The following TTC28 variants were observed in gnomAD, a reference collection of about 807,000 sequenced individuals.
TTC28 encodes the protein tetratricopeptide repeat protein 28.
A neutral mutation model predicts 198.0 loss-of-function variants in TTC28; 61 were observed. The observed-to-expected ratio is 0.31, with a 90% CI of 0.25 to 0.38. The LOEUF (loss-of-function observed/expected upper bound fraction) is 0.38, where lower values mean the gene tolerates loss of function less well. Among genes scored for constraint, TTC28 ranks in the 10% least tolerant of loss-of-function variants. TTC28 has a pLI of 1.00. For missense variants in TTC28, 2,678 were observed against 3,164.0 expected, an observed-to-expected ratio of 0.85 and a Z score of 3.69; for synonymous variants, 1,171 against 1,297.8, an observed-to-expected ratio of 0.90 and a Z score of 2.10.
chr22:28,038,845 A>G (rs888319618), intron 12 of TTC28, among the ~76,000 whole-genome samples: 1 of 152,238 alleles, frequency 6.6e-6, no homozygotes, highest in African/African-American at 2.4e-5. Context: ...CAACCCCATC[A>G]AAAAGTGGGC....
At chr22:28,288,881 C>A (rs2044737116) in intron 5 of TTC28, among the ~76,000 whole-genome samples, 1 of 151,884 alleles carries the variant, frequency 6.6e-6, no homozygotes, top group Admixed American at 6.6e-5. Flanking sequence ...AAATTCAAGC[C>A]CAAGCTTGTT....
In TTC28 at chr22:27,983,850, A is replaced by C. The variant is rs1394297658; in HGVS notation, c.5817T>G (p.Asp1939Glu). ...TGAGGCGCTTGGGTAGCTCAGTAGAATCTAAGCACAAAACACAAGGGCCCC... is the reference window on the plus strand; with the variant it reads ...TGAGGCGCTTGGGTAGCTCAGTAGACTCTAAGCACAAAACACAAGGGCCCC... ...FALQSLLSLF[D>E]STELPKRLSL... Residue 1939 changes from aspartate to glutamate, a missense_variant and splice_region_variant, in exon 23 of 23, where the codon GAT becomes GAG. Asp to Glu is a conservative substitution (Grantham distance 45, BLOSUM62 2). Coordinates refer to ENST00000397906, the MANE Select transcript of TTC28 (RefSeq NM_001145418.2). 6.5e-7 allele frequency: 1 copy of C among 1,545,688 alleles called. No homozygotes were observed. Among genetic ancestry groups the C allele is most frequent in the Non-Finnish European group, 8.7e-7 (1 of 1,145,428 alleles).
At chr22:28,366,522 G>T (rs958988400) in intron 2 of TTC28, among the ~76,000 whole-genome samples, 2 of 152,072 alleles carry the variant, frequency 1.3e-5, no homozygotes, top group Non-Finnish European at 1.5e-5. Flanking sequence ...CTTAATAGAG[G>T]TCTGTCTATA....
At chr22:28,510,829 T>C (rs1047138521) in intron 2 of TTC28, among the ~76,000 whole-genome samples, 4 of 151,922 alleles carry the variant, frequency 2.6e-5, no homozygotes, top group Non-Finnish European at 5.9e-5. Context: ...AAAATCAATG[T>C]GCAAAAATCA....
intron 2 of TTC28, among the ~76,000 whole-genome samples, chr22:28,483,816 A>G (rs765560845): frequency 6.6e-6 from 1 of 152,220 alleles, no homozygotes; most frequent in Non-Finnish European, 1.5e-5. Flanking sequence ...TGGCAAATAC[A>G]CTAGACTAAG....
chr22:28,387,829 G>A (rs1323321006), intron 2 of TTC28, among the ~76,000 whole-genome samples: 4 of 152,050 alleles, frequency 2.6e-5, no homozygotes, highest in Admixed American at 2.6e-4. Flanking sequence ...CTTTTGCTGT[G>A]CAGAAGCTCT....
At chr22:28,637,781 GATGCTGCTTACAAAAACTAT>G (rs2051300262) in intron 1 of TTC28, among the ~76,000 whole-genome samples, 1 of 150,728 alleles carries the variant, frequency 6.6e-6, no homozygotes, top group South Asian at 2.1e-4. Flanking sequence ...GACCCAAAGA[GATGCTGCTTACAAAAACTAT>G]ATGCTGCTTA....
chr22:28,424,366 G>A (rs2047312309), intron 2 of TTC28, among the ~76,000 whole-genome samples: 1 of 152,092 alleles, frequency 6.6e-6, no homozygotes, highest in Admixed American at 6.5e-5. Flanking sequence ...CCTCAAGCAT[G>A]GGAAACCTTC....
chr22:28,344,349 T>C (rs1489109896), intron 2 of TTC28, among the ~76,000 whole-genome samples: 1 of 152,034 alleles, frequency 6.6e-6, no homozygotes, highest in African/African-American at 2.4e-5. Context: ...TCTTTCCTGA[T>C]GCAAAGGATC....
chr22:28,154,356 C>CTTTTTTTTTTTTTTTTTTTTTT (rs559340098), intron 6 of TTC28, among the ~76,000 whole-genome samples: 1 of 115,574 alleles, frequency 8.7e-6, no homozygotes, highest in Non-Finnish European at 1.8e-5. Context: ...TTTTCTTTTT[C>CTTTTTTTTTTTTTTTTTTTTTT]TTTTTTTTTT....
At chr22:28,246,876 C>G (rs1467436286) in intron 5 of TTC28, among the ~76,000 whole-genome samples, 1 of 152,026 alleles carries the variant, frequency 6.6e-6, no homozygotes, top group Non-Finnish European at 1.5e-5. Context: ...TGGGGATGTG[C>G]TACACTTCAA....
At position 28,015,598 on chromosome 22, in the gene TTC28, T is replaced by A. The variant is rs1273135525; in HGVS notation, c.4074-1206A>T. Among the ~76,000 whole-genome samples, 14 of 58,354 alleles carry A rather than the reference T, an allele frequency of 2.4e-4. No individual in the cohort carries two copies. In the Admixed American group the frequency reaches 3.0e-3, roughly 13 times the overall value. The allele number at this position is 58,354 out of a possible 152,430, so 38.3% of individuals were successfully genotyped here. ...CCACAACACCTAGCTAATTTGTAAA[T>A]TTTTTTTTGTAGAGATGGGGTCTCA... On this transcript the variant is annotated intron_variant, in intron 13 of 22. Coordinates refer to ENST00000397906, the MANE Select transcript of TTC28 (RefSeq NM_001145418.2).
rs766893965 is a variant in TTC28 at position 27,990,835 on chromosome 22, AAAAG to A, written c.5554-27_5554-24del. 5.2e-4 allele frequency: 805 copies of A among 1,546,322 alleles called. 5 individuals carry two copies. The highest frequency in any genetic ancestry group is 4.1e-4 in the African/African-American group (30 of 72,988). On this transcript the variant is annotated intron_variant, in intron 19 of 22. Coordinates refer to ENST00000397906, the MANE Select transcript of TTC28 (RefSeq NM_001145418.2). ...AGCCTTCGGCCAGCAGATTATAAGA[AAAAG>A]AAAGAAAGAGAGAAAGAAGAGAGTT...
At chr22:28,070,830 C>T (rs1940938030) in intron 12 of TTC28, among the ~76,000 whole-genome samples, 1 of 152,126 alleles carries the variant, frequency 6.6e-6, no homozygotes, top group Admixed American at 6.6e-5. Context: ...CGTATTAAGC[C>T]TAAATTAATA....
intron 1 of TTC28, among the ~76,000 whole-genome samples, chr22:28,631,018 C>T (rs369073913): frequency 6.6e-6 from 1 of 152,134 alleles, no homozygotes; most frequent in African/African-American, 2.4e-5. Flanking sequence ...ACTCAAGATG[C>T]TGAAGCAGGA....
rs531045605 is a variant in TTC28 at position 28,175,445 on chromosome 22, G to T, written c.934-11846C>A. On this transcript the variant is annotated intron_variant, in intron 5 of 22. Coordinates refer to ENST00000397906, the MANE Select transcript of TTC28 (RefSeq NM_001145418.2). ...AAACAAAATAACCCAATTAAAAAAT[G>T]GGCAGGCCAGGCCTGGTGGCTCATG... Among the ~76,000 whole-genome samples, 5 of 152,252 alleles carry T rather than the reference G, an allele frequency of 3.3e-5. No individual in the cohort carries two copies. The East Asian group carries it at 9.7e-4, about 29-fold the overall frequency.
rs979638590 is a variant in TTC28 at position 28,441,887 on chromosome 22, TAAAAAAAAA to T, written c.382-135253_382-135245del. ...ACGGCCAAATGAGGTATTTGAAGTT[TAAAAAAAAA>T]AAAAAAAAAAGGCCTGTTATGCAGT... is the stretch of plus-strand genomic sequence containing the variant. On this transcript the variant is annotated intron_variant, in intron 2 of 22. Transcript: ENST00000397906. Among the ~76,000 whole-genome samples the T allele has an allele frequency of 2.5e-5, 3 of 119,156 alleles. No homozygotes were observed. In the East Asian group the frequency reaches 7.2e-4, roughly 29 times the overall value. The allele number at this position is 119,156 out of a possible 152,430, so 78.2% of individuals were successfully genotyped here.
chr22:28,371,947 G>A (rs968403953), intron 2 of TTC28, among the ~76,000 whole-genome samples: 2 of 151,392 alleles, frequency 1.3e-5, no homozygotes, highest in Non-Finnish European at 1.5e-5. Context: ...AAATTAGCCA[G>A]ACGTGGTGGT....
chr22:28,322,413 C>T (rs2045461983), intron 2 of TTC28, among the ~76,000 whole-genome samples: 1 of 152,064 alleles, frequency 6.6e-6, no homozygotes. Context: ...GCTTTTGGAA[C>T]AGAAGATAAC....
Sources: gnomAD v4.1 joint callset for allele counts (sites outside exome capture counted in the v4.1 genomes callset) on GRCh38, gnomAD v4.1.1 for gene constraint, MANE v1.5 for transcripts, NCBI Gene and HGNC (gene_info 2026-07-23, HGNC 2026-07-21) for gene names.